The following LIPK variants were observed in gnomAD, a reference collection of about 807,000 sequenced individuals.
The protein encoded by LIPK is lipase family member K.
LIPK carries 32 observed loss-of-function variants against 48.6 expected under a neutral mutation model. The observed-to-expected ratio is 0.66, with a 90% confidence interval of 0.50 to 0.88. The LOEUF (loss-of-function observed/expected upper bound fraction) is 0.88. Among genes scored for constraint, LIPK ranks in the 40% least tolerant of loss-of-function variants. LIPK has a pLI of 0.00. For synonymous variants in LIPK, 164 were observed against 157.4 expected, an observed-to-expected ratio of 1.04 and a Z score of -0.32; for missense variants, 507 against 478.5, an observed-to-expected ratio of 1.06 and a Z score of -0.56.
chr10:88,752,570 G>A lies in LIPK; in HGVS notation c.1014G>A (p.Trp338Ter), dbSNP rs1226178645. The A allele has an allele frequency of 6.4e-7, 1 of 1,570,582 alleles. No homozygotes were observed. The highest frequency in any genetic ancestry group is 1.2e-5 in the South Asian group (1 of 85,676). The change falls in exon 10 of 10, where the codon TGG (tryptophan) becomes TGA (stop). Residue 338 changes from tryptophan (W) to a stop codon, truncating the protein, a stop_gained. Coordinates refer to ENST00000404190, the MANE Select transcript of LIPK (RefSeq NM_001080518.2). LOFTEE classifies it high-confidence loss of function. ...AGATGGAAGTTCCAACAGCAATATGGAATGGTGGACAGGACATTGTGGCTG... is the reference window on the plus strand; with the variant it reads ...AGATGGAAGTTCCAACAGCAATATGAAATGGTGGACAGGACATTGTGGCTG... Reference protein sequence around the residue: ...ITKMEVPTAIWNGGQDIVADP... With the variant: ...ITKMEVPTAI
chr10:88,742,630 G>C (rs1842699644), intron 8 of LIPK, among the ~76,000 whole-genome samples: 1 of 152,198 alleles, frequency 6.6e-6, no homozygotes, highest in Admixed American at 6.5e-5. Context: ...GTCATGCACA[G>C]TGTCTCAGTC....
At chr10:88,709,596 A>G (rs1407235136) in intron 1 of LIPK, among the ~76,000 whole-genome samples, 2 of 151,224 alleles carry the variant, frequency 1.3e-5, no homozygotes. Flanking sequence ...ATTATTTTTT[A>G]TGATCTATCT....
intron 7 of LIPK, among the ~76,000 whole-genome samples, chr10:88,739,395 G>GA (rs1230695204): frequency 6.6e-6 from 1 of 152,154 alleles, no homozygotes; most frequent in Non-Finnish European, 1.5e-5. Context: ...GTTGAGTCTG[G>GA]AAAAAGATAG....
chr10:88,748,924 GATAA>G (rs67175939), intron 9 of LIPK, among the ~76,000 whole-genome samples: 36,322 of 151,948 alleles, frequency 0.24, 4,465 homozygotes, highest in East Asian at 0.36. Context: ...TCCTTACACT[GATAA>G]ATAACTTCAG....
intron 3 of LIPK, chr10:88,728,658 G>A (rs1018958177): frequency 1.0e-5 from 5 of 485,230 alleles, no homozygotes; most frequent in East Asian, 5.9e-5. Flanking sequence ...GCTGGAGGGC[G>A]AGGAGAGCCC....
chr10:88,742,741 T>C (rs1253350174), intron 8 of LIPK, among the ~76,000 whole-genome samples: 1 of 147,394 alleles, frequency 6.8e-6, no homozygotes, highest in Non-Finnish European at 1.5e-5. Flanking sequence ...GGAAGCTCAG[T>C]GGGTGAATAT....
At chr10:88,714,068 G>T (rs1171657889) in intron 1 of LIPK, among the ~76,000 whole-genome samples, 3 of 152,050 alleles carry the variant, frequency 2.0e-5, no homozygotes, top group African/African-American at 4.8e-5. Context: ...AGCACCTCCA[G>T]TATCACGGTA....
chr10:88,727,036 T>G (rs407433), intron 3 of LIPK, 124 bp downstream of exon 3: 490,646 of 664,904 alleles, frequency 0.74, 184,831 homozygotes, highest in East Asian at 1. Context: ...GGAGAAAAAT[T>G]ATCGCCCCCC....
At chr10:88,710,047 T>C (rs1460229381) in intron 1 of LIPK, among the ~76,000 whole-genome samples, 1 of 151,794 alleles carries the variant, frequency 6.6e-6, no homozygotes, top group East Asian at 1.9e-4. Flanking sequence ...AACTTTTTCC[T>C]CTATTTAACA....
intron 1 of LIPK, among the ~76,000 whole-genome samples, 39 bp downstream of exon 1, chr10:88,706,359 G>C (rs186559231): frequency 2.0e-5 from 3 of 152,250 alleles, no homozygotes; most frequent in Non-Finnish European, 1.5e-5. Flanking sequence ...CTGGATCATA[G>C]TGTATTAGTG....
intron 9 of LIPK, among the ~76,000 whole-genome samples, chr10:88,747,679 G>A (rs1357671116): frequency 6.6e-6 from 1 of 152,080 alleles, no homozygotes; most frequent in African/African-American, 2.4e-5. Context: ...CTGATCATCA[G>A]AGAAATGAAA....
Position 88,731,030 on chromosome 10 carries a change from AG to A in LIPK, c.272del (p.Ser91IlefsTer68), listed in dbSNP as rs1564983033. ...YLQHGLIASA[S>X]NWICNLPNNS... ...GCAGCATGGCTTAATTGCATCTGCC[AG>A]TAACTGGATTTGCAACCTGCCCAAC... On this transcript the variant is annotated frameshift_variant, in exon 4 of 10. Coordinates refer to ENST00000404190, the MANE Select transcript of LIPK (RefSeq NM_001080518.2). LOFTEE classifies it high-confidence loss of function. 4 of 1,597,376 alleles carry A rather than the reference AG, an allele frequency of 2.5e-6. No individual in the cohort carries two copies. The highest frequency in any genetic ancestry group is 3.4e-6 in the Non-Finnish European group (4 of 1,171,168).
chr10:88,742,764 T>TAA (rs35342154), intron 8 of LIPK, among the ~76,000 whole-genome samples: 146 of 149,336 alleles, frequency 9.8e-4, no homozygotes, highest in Middle Eastern at 6.9e-3. Context: ...CTTTTAATAG[T>TAA]AAAAAAAAAA....
At chr10:88,718,801 T>C (rs1371413926) in intron 1 of LIPK, among the ~76,000 whole-genome samples, 1 of 152,170 alleles carries the variant, frequency 6.6e-6, no homozygotes, top group African/African-American at 2.4e-5. Flanking sequence ...GTCCATGGTA[T>C]ATAAATTATA....
At chr10:88,716,004 C>G (rs1176692983) in intron 1 of LIPK, among the ~76,000 whole-genome samples, 2 of 151,906 alleles carry the variant, frequency 1.3e-5, no homozygotes, top group Non-Finnish European at 2.9e-5. Context: ...AGTTACACCA[C>G]CATATTTGGA....
At chr10:88,738,675 G>C (rs928131268) in intron 7 of LIPK, among the ~76,000 whole-genome samples, 4 of 152,172 alleles carry the variant, frequency 2.6e-5, no homozygotes, top group Non-Finnish European at 4.4e-5. Flanking sequence ...ATAAAAAAGA[G>C]TGTATTTTAA....
At chr10:88,716,884 C>T (rs1164219262) in intron 1 of LIPK, among the ~76,000 whole-genome samples, 1 of 151,642 alleles carries the variant, frequency 6.6e-6, no homozygotes, top group East Asian at 1.9e-4. Context: ...TTTTTTCTCA[C>T]CTAGGGAATA....
chr10:88,714,745 C>G (rs1254914650), intron 1 of LIPK, among the ~76,000 whole-genome samples: 4 of 151,918 alleles, frequency 2.6e-5, no homozygotes, highest in African/African-American at 9.7e-5. Context: ...CTGATATTGG[C>G]ACATATTGTA....
intron 8 of LIPK, among the ~76,000 whole-genome samples, chr10:88,742,787 G>A (rs886479547): frequency 6.6e-6 from 1 of 151,936 alleles, no homozygotes; most frequent in Non-Finnish European, 1.5e-5. Flanking sequence ...TTTAAGGATA[G>A]GGAATATAAT....
Sources: gnomAD v4.1 joint callset for allele counts (sites outside exome capture counted in the v4.1 genomes callset) on GRCh38, gnomAD v4.1.1 for gene constraint, MANE v1.5 for transcripts, NCBI Gene and HGNC (gene_info 2026-07-23, HGNC 2026-07-21) for gene names.